The following XRCC4 variants were observed in gnomAD, a reference collection of about 807,000 sequenced individuals.
The protein encoded by XRCC4 is X-ray repair cross complementing 4.
A neutral mutation model predicts 39.1 loss-of-function variants in XRCC4; 28 were observed. That is an observed-to-expected ratio of 0.72 (90% CI 0.53 to 0.98). The LOEUF is 0.98. Among genes scored for constraint, XRCC4 ranks in the 50% least tolerant of loss-of-function variants. The pLI, the probability that XRCC4 is intolerant of heterozygous loss-of-function variation, is 0.00. For synonymous variants in XRCC4, 123 were observed against 126.4 expected, an observed-to-expected ratio of 0.97 and a Z score of 0.18; for missense variants, 350 against 376.4, an observed-to-expected ratio of 0.93 and a Z score of 0.58.
downstream of XRCC4, among the ~76,000 whole-genome samples, chr5:83,358,787 G>T (rs775104541): frequency 5.3e-5 from 8 of 152,120 alleles, no homozygotes; most frequent in Non-Finnish European, 8.8e-5. Flanking sequence ...GTTCATACAA[G>T]ACCCTTCTAG....
chr5:83,192,306 A>ATT (rs1561393617), intron 3 of XRCC4, among the ~76,000 whole-genome samples: 1 of 104,102 alleles, frequency 9.6e-6, no homozygotes, highest in Non-Finnish European at 2.0e-5. Context: ...ACGTATATAT[A>ATT]ATATATATAT....
intron 2 of XRCC4, among the ~76,000 whole-genome samples, chr5:83,109,115 A>G (rs1206440359): frequency 1.3e-5 from 2 of 151,924 alleles, no homozygotes; most frequent in Non-Finnish European, 3.0e-5. Flanking sequence ...TCCCTTTTTC[A>G]TTAACTGTCA....
intron 7 of XRCC4, among the ~76,000 whole-genome samples, chr5:83,305,027 T>C (rs919543641): frequency 1.4e-4 from 21 of 152,200 alleles, no homozygotes; most frequent in East Asian, 7.7e-4. Context: ...TCAGTAGAGC[T>C]AAGACTAGAA....
chr5:83,142,828 T>C (rs1241937879), intron 3 of XRCC4, among the ~76,000 whole-genome samples: 1 of 152,220 alleles, frequency 6.6e-6, no homozygotes, highest in African/African-American at 2.4e-5. Flanking sequence ...ATCTCAGCTG[T>C]GATGTTATTT....
chr5:83,291,951 C>CTGTGTG (rs34789998), intron 7 of XRCC4, among the ~76,000 whole-genome samples: 6,809 of 143,956 alleles, frequency 0.047, 248 homozygotes, highest in African/African-American at 0.1. Flanking sequence ...ATGTGTATTT[C>CTGTGTG]TGTGTGTGTG....
chr5:83,305,948 G>T (rs536385828), intron 7 of XRCC4, among the ~76,000 whole-genome samples: 1 of 152,220 alleles, frequency 6.6e-6, no homozygotes, highest in Admixed American at 6.5e-5. Flanking sequence ...TCTCAGGATG[G>T]TCACCAAAGA....
chr5:83,142,616 C>G (rs748363609), intron 3 of XRCC4, among the ~76,000 whole-genome samples: 3 of 152,092 alleles, frequency 2.0e-5, no homozygotes, highest in Non-Finnish European at 2.9e-5. Context: ...TGAACATCCA[C>G]ATGGAATTAA....
chr5:83,291,170 G>A (rs1754909207), intron 7 of XRCC4, among the ~76,000 whole-genome samples: 1 of 151,740 alleles, frequency 6.6e-6, no homozygotes, highest in South Asian at 2.1e-4. Context: ...AGGCACCCCA[G>A]TGAACTGGAA....
At chr5:83,185,840 T>TA (rs1286075085) in intron 3 of XRCC4, among the ~76,000 whole-genome samples, 2 of 152,048 alleles carry the variant, frequency 1.3e-5, no homozygotes, top group African/African-American at 4.8e-5. Flanking sequence ...AGAGAGAAAT[T>TA]AAAAAATGAA....
At chr5:83,250,579 G>C (rs28360214) in intron 6 of XRCC4, among the ~76,000 whole-genome samples, 12 of 152,184 alleles carry the variant, frequency 7.9e-5, no homozygotes, top group Admixed American at 7.2e-4. Context: ...GAAATCTAAG[G>C]ATGCTTGAGG....
At chr5:83,235,178 T>C (rs1450353819) in intron 6 of XRCC4, among the ~76,000 whole-genome samples, 3 of 150,858 alleles carry the variant, frequency 2.0e-5, no homozygotes, top group African/African-American at 7.3e-5. Flanking sequence ...CTACAAAAAA[T>C]ACAAAAATTA....
chr5:83,371,742 T>C, the XRCC4 span, among the ~76,000 whole-genome samples: 2 of 152,086 alleles, frequency 1.3e-5, no homozygotes, highest in African/African-American at 4.8e-5. Flanking sequence ...AGGAAGACAT[T>C]GTTGATGCAG....
chr5:83,213,513 A>G (rs1751732856), intron 6 of XRCC4, among the ~76,000 whole-genome samples: 1 of 152,114 alleles, frequency 6.6e-6, no homozygotes, highest in Non-Finnish European at 1.5e-5. Context: ...TATTTGCCAC[A>G]TATAAAGATA....
downstream of XRCC4, among the ~76,000 whole-genome samples, chr5:83,355,812 A>AT (rs1757183842): frequency 6.6e-6 from 1 of 152,016 alleles, no homozygotes; most frequent in African/African-American, 2.4e-5. Context: ...AATTTTTTGT[A>AT]TTTTTAGTAG....
intron 7 of XRCC4, among the ~76,000 whole-genome samples, chr5:83,267,229 C>A (rs1435634680): frequency 1.3e-5 from 2 of 152,050 alleles, no homozygotes; most frequent in African/African-American, 4.8e-5. Flanking sequence ...GGTGTAAACA[C>A]CTGAGGAGGT....
intron 3 of XRCC4, among the ~76,000 whole-genome samples, chr5:83,129,430 T>G (rs1415126443): frequency 6.6e-6 from 1 of 152,128 alleles, no homozygotes; most frequent in Non-Finnish European, 1.5e-5. Context: ...GCTTTGTTCT[T>G]TTTGCTTAGG....
At chr5:83,136,898 C>T (rs969122885) in intron 3 of XRCC4, among the ~76,000 whole-genome samples, 10 of 151,940 alleles carry the variant, frequency 6.6e-5, no homozygotes, top group African/African-American at 1.9e-4. Flanking sequence ...CTATAGGTAC[C>T]AATATTGTAC....
At chr5:83,125,567 TA>T (rs1305352104) in intron 3 of XRCC4, among the ~76,000 whole-genome samples, 1 of 152,224 alleles carries the variant, frequency 6.6e-6, no homozygotes, top group African/African-American at 2.4e-5. Context: ...GCATCTTCGT[TA>T]AAAATCATTG....
In XRCC4 at chr5:83,204,778, G is replaced by A. The variant is rs752518353; in HGVS notation, c.639-37G>A. The A allele has an allele frequency of 6.5e-6, 10 of 1,536,268 alleles. No homozygotes were observed. The African/African-American group carries it at 1.2e-4, about 19-fold the overall frequency. On this transcript the variant is annotated intron_variant, in intron 5 of 7. Transcript: ENST00000396027. ...AAATCTGCTGCCTAGCAGGGGGTGA[G>A]CCAGTTATTTATAATTCTACCTTTC...
Sources: gnomAD v4.1 joint callset for allele counts (sites outside exome capture counted in the v4.1 genomes callset) on GRCh38, gnomAD v4.1.1 for gene constraint, MANE v1.5 for transcripts, NCBI Gene and HGNC (gene_info 2026-07-23, HGNC 2026-07-21) for gene names.